PDZD2: variants seen among roughly 807,000 people sequenced by gnomAD.
PDZD2 encodes the protein PDZ domain-containing protein 2.
A neutral mutation model predicts 220.7 loss-of-function variants in PDZD2; 90 were observed. The observed-to-expected ratio is 0.41, with a 90% CI of 0.34 to 0.49. The LOEUF (loss-of-function observed/expected upper bound fraction) is 0.49. PDZD2 is among the 20% of genes least tolerant of loss of function. The pLI is 0.28. For synonymous variants in PDZD2, 1,375 were observed against 1,450.5 expected (o/e 0.95, Z 1.18); for missense variants, 3,174 against 3,608.5 (o/e 0.88, Z 3.08).
At chr5:32,047,524 G>C (rs1403083149) in intron 7 of PDZD2, among the ~76,000 whole-genome samples, 1 of 152,154 alleles carries the variant, frequency 6.6e-6, no homozygotes, top group Non-Finnish European at 1.5e-5. Context: ...CATTTTTAGT[G>C]GGTTGTTAAG....
chr5:31,715,372 C>G (rs149241447), intron 1 of PDZD2, among the ~76,000 whole-genome samples: 31 of 152,294 alleles, frequency 2.0e-4, no homozygotes, highest in African/African-American at 7.5e-4. Flanking sequence ...AGTCATGCTT[C>G]TTTCTGGTCC....
chr5:32,098,254 T>TA lies in PDZD2; in HGVS notation c.7948-104dup. 9.0e-7 allele frequency: 1 copy of TA among 1,109,748 alleles called. No individual in the cohort carries two copies. The highest frequency in any genetic ancestry group is 1.6e-5 in the African/African-American group (1 of 63,582). The allele number at this position is 1,109,748 out of a possible 1,614,324, so 68.7% of individuals were successfully genotyped here. ...GAGACTCCCTCTCAAAAAATAAAAA[T>TA]AAAAAAGGAAGGTTCCTTTACTACA... On this transcript the variant is annotated intron_variant, in intron 22 of 24. Coordinates refer to ENST00000438447, the MANE Select transcript of PDZD2 (RefSeq NM_178140.4). This position sits in a 1 kb window ranked among gnomAD's most constrained non-coding sequence, Gnocchi z 4.1.
intron 1 of PDZD2, among the ~76,000 whole-genome samples, chr5:31,691,916 G>A (rs1383709898): frequency 1.3e-5 from 2 of 152,228 alleles, no homozygotes; most frequent in Non-Finnish European, 1.5e-5. Context: ...GGTTCTCCAC[G>A]TCCCCACCAG....
At chr5:32,026,557 G>GCACACACA (rs139271161) in intron 6 of PDZD2, among the ~76,000 whole-genome samples, 2 of 150,932 alleles carry the variant, frequency 1.3e-5, no homozygotes, top group Non-Finnish European at 3.0e-5. Flanking sequence ...GTGCACGCAC[G>GCACACACA]CACACACACA....
rs16889396 is a variant in PDZD2 at position 32,072,831 on chromosome 5, C to T, written c.2725+514C>T. ...ATGGTGGCTAAACCAGACCTCCTTT[C>T]AATGCCCTTTACATAATGTAGTCTT... On this transcript the variant is annotated intron_variant, in intron 17 of 24. Transcript: ENST00000438447. Among the ~76,000 whole-genome samples the T allele has an allele frequency of 7.5e-3, 1,145 of 152,264 alleles. 14 individuals carry two copies. Among genetic ancestry groups the T allele is most frequent in the African/African-American group, 0.025 (1,056 of 41,548 alleles).
At chr5:31,941,522 C>T (rs1298731647) in intron 2 of PDZD2, among the ~76,000 whole-genome samples, 2 of 152,190 alleles carry the variant, frequency 1.3e-5, no homozygotes, top group Non-Finnish European at 2.9e-5. Context: ...AAGCTAAGTC[C>T]TTTGCACAAT....
chr5:32,068,364 G>A (rs1740415452), intron 14 of PDZD2, among the ~76,000 whole-genome samples: 1 of 152,206 alleles, frequency 6.6e-6, no homozygotes, highest in Non-Finnish European at 1.5e-5. Flanking sequence ...ATGCAAAGAA[G>A]TTGATCCATG....
At chr5:31,786,331 G>T (rs535824502) in intron 1 of PDZD2, among the ~76,000 whole-genome samples, 1 of 152,280 alleles carries the variant, frequency 6.6e-6, no homozygotes, top group East Asian at 1.9e-4. Context: ...AGGCTGTGGG[G>T]CCTCAGTGGA....
intron 1 of PDZD2, among the ~76,000 whole-genome samples, chr5:31,641,332 T>C (rs557629397): frequency 3.9e-5 from 6 of 152,074 alleles, no homozygotes; most frequent in African/African-American, 1.4e-4. Context: ...ACCTGAAGAG[T>C]GGTCCAAATA....
chr5:32,074,577 G>C lies in PDZD2; in HGVS notation c.3471G>C (p.Ser1157=), dbSNP rs80096746. Reference sequence around the variant, plus strand: ...CCAATGATCCATGCGATCTGGACTCGAGAGTCCAGGCCACTTCTGTCAAAG... The same window carrying C: ...CCAATGATCCATGCGATCTGGACTCCAGAGTCCAGGCCACTTCTGTCAAAG... ...GRANDPCDLD[S]RVQATSVKVT... The change falls in exon 18 of 25, where the codon TCG becomes TCC. Residue 1157 remains serine, a synonymous_variant. Transcript: ENST00000438447. 6.2e-7 allele frequency: 1 copy of C among 1,613,472 alleles called. No homozygotes were observed. The highest frequency in any genetic ancestry group is 2.2e-5 in the East Asian group (1 of 44,870).
chr5:31,919,603 A>T (rs7706071), intron 2 of PDZD2, among the ~76,000 whole-genome samples: 118,636 of 151,066 alleles, frequency 0.79, 46,796 homozygotes, highest in East Asian at 0.98. Flanking sequence ...TGCCTCGGCA[A>T]CCCAGAGTGC....
rs760487874 is a variant in PDZD2 at position 31,799,644 on chromosome 5, G to C, written c.396G>C (p.Lys132Asn). ...TELRKNSPAG[K>N]SGKVRLRDEI... The stretch of plus-strand genomic sequence containing the variant: ...TGAGGAAGAACAGCCCAGCAGGGAA[G>C]AGTGGGAAGGTCCGACTGCGGGATG... Residue 132 changes from lysine to asparagine, a missense_variant, in exon 2 of 25, where the codon AAG becomes AAC. Lys to Asn is a moderately conservative substitution (Grantham distance 94, BLOSUM62 0). Around this residue, in one of 4 missense-constraint regions of PDZD2, gnomAD observed 632 missense variants for 708.1 expected, o/e 0.89. Transcript: ENST00000438447. 16 of 1,614,062 alleles carry C rather than the reference G, an allele frequency of 9.9e-6. No individual in the cohort carries two copies. The highest frequency in any genetic ancestry group is 1.0e-5 in the Non-Finnish European group (12 of 1,180,028).
intron 1 of PDZD2, among the ~76,000 whole-genome samples, chr5:31,706,133 A>T (rs1215115963): frequency 6.6e-6 from 1 of 152,182 alleles, no homozygotes; most frequent in African/African-American, 2.4e-5. Flanking sequence ...ATCCCACACA[A>T]CTGGATTAAC....
At chr5:31,842,944 C>T (rs753485017) in intron 2 of PDZD2, among the ~76,000 whole-genome samples, 15 of 152,050 alleles carry the variant, frequency 9.9e-5, no homozygotes, top group Non-Finnish European at 1.9e-4. Flanking sequence ...TGCAATGGTG[C>T]GATCTTGGCT....
chr5:31,931,650 G>A (rs533722715), intron 2 of PDZD2, among the ~76,000 whole-genome samples: 1 of 152,228 alleles, frequency 6.6e-6, no homozygotes, highest in South Asian at 2.1e-4. Context: ...GAAGAAGCTG[G>A]TACCCCTCCA....
chr5:32,089,410 T>C lies in PDZD2; in HGVS notation c.5962T>C (p.Ser1988Pro). 1 of 1,613,940 alleles carries C rather than the reference T, an allele frequency of 6.2e-7. No homozygotes were observed. Among genetic ancestry groups the C allele is most frequent in the Non-Finnish European group, 8.5e-7 (1 of 1,180,014 alleles). The change falls in exon 20 of 25, where the codon TCT (serine) becomes CCT (proline). Residue 1988 changes from serine (S) to proline (P), a missense_variant. Ser to Pro is a moderately conservative substitution (Grantham distance 74). Transcript: ENST00000438447. The part of the protein sequence containing the change: ...SIRTFVSPLT[S>P]PKPVPEQGMW... ...CAGGACATTTGTCTCGCCCCTGACC[T>C]CTCCCAAGCCTGTTCCTGAGCAAGG...
intron 2 of PDZD2, chr5:31,854,832 A>G: frequency 3.7e-6 from 1 of 270,410 alleles, no homozygotes; most frequent in Non-Finnish European, 5.7e-6. Flanking sequence ...GGGTTTTGAC[A>G]AGTGAGCAGG....
intron 6 of PDZD2, among the ~76,000 whole-genome samples, chr5:32,032,113 T>C (rs560627523): frequency 4.1e-4 from 63 of 152,238 alleles, no homozygotes; most frequent in Non-Finnish European, 7.2e-4. Flanking sequence ...TGAGAAGCTT[T>C]CATTTCTTCT....
chr5:31,885,218 C>T (rs1260599184), intron 2 of PDZD2, among the ~76,000 whole-genome samples: 1 of 145,340 alleles, frequency 6.9e-6, no homozygotes, highest in African/African-American at 2.6e-5. Flanking sequence ...CAGAGAAATG[C>T]CAATCAAAGC....
Sources: gnomAD v4.1 joint callset for allele counts (sites outside exome capture counted in the v4.1 genomes callset) on GRCh38, gnomAD v4.1.1 for gene constraint, gnomAD v4.1.1 regional missense constraint, Gnocchi (gnomAD v3.1) non-coding constraint, MANE v1.5 for transcripts, NCBI Gene and HGNC (gene_info 2026-07-23, HGNC 2026-07-21) for gene names.